The following TBC1D5 variants were observed in gnomAD, a reference collection of about 807,000 sequenced individuals.
The protein encoded by TBC1D5 is TBC1 domain family member 5.
In TBC1D5, 75 loss-of-function variants were observed where a neutral mutation model predicts 100.3. That is an observed-to-expected ratio of 0.75 (90% CI 0.62 to 0.91). The LOEUF (loss-of-function observed/expected upper bound fraction) is 0.91, where lower values mean the gene tolerates loss of function less well. Among genes scored for constraint, TBC1D5 ranks in the 40% least tolerant of loss-of-function variants. The pLI is 0.00. For synonymous variants in TBC1D5, 323 were observed against 325.6 expected, an observed-to-expected ratio of 0.99 and a Z score of 0.09; for missense variants, 910 against 942.4, an observed-to-expected ratio of 0.97 and a Z score of 0.45.
intron 9 of TBC1D5, among the ~76,000 whole-genome samples, chr3:17,377,922 G>A (rs901840235): frequency 8.6e-5 from 13 of 151,336 alleles, no homozygotes; most frequent in African/African-American, 2.9e-4. Context: ...AACAAACCTT[G>A]AAAAAAATCT....
chr3:17,642,401 T>C (rs1032487909), intron 1 of TBC1D5, among the ~76,000 whole-genome samples: 5 of 152,254 alleles, frequency 3.3e-5, no homozygotes, highest in Admixed American at 2.0e-4. Flanking sequence ...ATCGATATTT[T>C]ATAGATGAAA....
chr3:17,237,982 T>G (rs140941013), intron 17 of TBC1D5, among the ~76,000 whole-genome samples, 181 bp downstream of exon 17: 1 of 152,010 alleles, frequency 6.6e-6, no homozygotes, highest in East Asian at 1.9e-4. Flanking sequence ...AAAAAAAAAT[T>G]ACCTCATAAA....
chr3:17,175,106 T>G (rs944850781), intron 19 of TBC1D5, among the ~76,000 whole-genome samples: 1 of 152,262 alleles, frequency 6.6e-6, no homozygotes, highest in East Asian at 1.9e-4. Flanking sequence ...CATTCATTGA[T>G]GGTCTATTAA....
intron 18 of TBC1D5, among the ~76,000 whole-genome samples, chr3:17,197,896 A>G (rs1049746363): frequency 3.3e-5 from 5 of 152,012 alleles, no homozygotes; most frequent in Non-Finnish European, 7.4e-5. Flanking sequence ...AATTAGCTGG[A>G]CATGGTGGCT....
At chr3:17,338,720 A>T (rs1575412185) in intron 13 of TBC1D5, 1 of 152,248 alleles carries the variant, frequency 6.6e-6, no homozygotes, top group Non-Finnish European at 1.5e-5. Flanking sequence ...TGGGAACACT[A>T]GTATGTAGTA....
chr3:17,410,648 A>G (rs1336461875), intron 4 of TBC1D5, among the ~76,000 whole-genome samples: 4 of 152,136 alleles, frequency 2.6e-5, no homozygotes, highest in Non-Finnish European at 5.9e-5. Context: ...AGGTGATTCC[A>G]ATCCTCATGG....
rs139565598 is a variant in TBC1D5, at chr3:17,400,803, G to A, written c.509+2378C>T. Among the ~76,000 whole-genome samples, 1,298 of 152,188 alleles carry A rather than the reference G, an allele frequency of 8.5e-3. 20 individuals carry two copies. The highest frequency in any genetic ancestry group is 0.03 in the African/African-American group (1,255 of 41,534). On this transcript the variant is annotated intron_variant, in intron 8 of 21. Coordinates refer to ENST00000253692, the Ensembl canonical transcript of TBC1D5. ...CTTCCAGCCTTCATCTTTCTCCCAC[G>A]GTGGATGCTTCCTGCCCTCGAACAT... is the stretch of plus-strand genomic sequence containing the variant.
chr3:17,532,746 A>G (rs896567687), intron 2 of TBC1D5, among the ~76,000 whole-genome samples: 8 of 151,630 alleles, frequency 5.3e-5, no homozygotes, highest in African/African-American at 1.7e-4. Flanking sequence ...ACAAAAAACC[A>G]AACACCGCAT....
At chr3:17,625,164 AC>A (rs2062950500) in intron 1 of TBC1D5, among the ~76,000 whole-genome samples, 1 of 152,038 alleles carries the variant, frequency 6.6e-6, no homozygotes, top group African/African-American at 2.4e-5. Context: ...TAAATATTCC[AC>A]CTATATCCAT....
chr3:17,403,113 T>C (rs905527644), intron 8 of TBC1D5, 68 bp downstream of exon 8: 6 of 1,359,444 alleles, frequency 4.4e-6, no homozygotes, highest in Non-Finnish European at 6.0e-6. Flanking sequence ...TTTTGTGTTT[T>C]GTTAAAATTA....
At chr3:17,673,016 T>G (rs2068131142) in intron 1 of TBC1D5, among the ~76,000 whole-genome samples, 1 of 151,888 alleles carries the variant, frequency 6.6e-6, no homozygotes, top group Non-Finnish European at 1.5e-5. Flanking sequence ...GTGTAAAAAA[T>G]CACAGCAAGT....
At chr3:17,537,152 A>C (rs926353152) in intron 2 of TBC1D5, among the ~76,000 whole-genome samples, 3 of 152,170 alleles carry the variant, frequency 2.0e-5, no homozygotes, top group Non-Finnish European at 4.4e-5. Context: ...TTTAGGTAAA[A>C]TATTTTTATT....
At chr3:17,251,202 C>A (rs2077138144) in intron 16 of TBC1D5, among the ~76,000 whole-genome samples, 1 of 151,934 alleles carries the variant, frequency 6.6e-6, no homozygotes, top group Non-Finnish European at 1.5e-5. Context: ...ACTCTTTTAT[C>A]TGTGGTAAAA....
intron 13 of TBC1D5, among the ~76,000 whole-genome samples, chr3:17,338,909 G>A (rs900512429): frequency 4.6e-5 from 7 of 152,120 alleles, no homozygotes; most frequent in African/African-American, 1.7e-4. Context: ...TCCAAGATGG[G>A]CAGATTTCTA....
chr3:17,282,603 C>T (rs533601267), intron 15 of TBC1D5, among the ~76,000 whole-genome samples: 3 of 152,220 alleles, frequency 2.0e-5, no homozygotes, highest in East Asian at 3.9e-4. Context: ...TAAAACATGC[C>T]GAGCAATCAT....
At chr3:17,601,916 G>A (rs1410073282) in intron 2 of TBC1D5, among the ~76,000 whole-genome samples, 4 of 151,926 alleles carry the variant, frequency 2.6e-5, no homozygotes, top group African/African-American at 9.7e-5. Context: ...TGCAAGCTCC[G>A]TCTCCCAGGT....
At chr3:17,162,453 T>C (rs2066157244) in intron 21 of TBC1D5, among the ~76,000 whole-genome samples, 2 of 152,232 alleles carry the variant, frequency 1.3e-5, no homozygotes, top group South Asian at 4.1e-4. Flanking sequence ...GGCTAAATAA[T>C]GGCTCAGGAA....
At chr3:17,281,201 G>A (rs17043279) in intron 15 of TBC1D5, among the ~76,000 whole-genome samples, 6,378 of 152,250 alleles carry the variant, frequency 0.042, 216 homozygotes, top group African/African-American at 0.091. Context: ...CTGAAAGATG[G>A]TTCCACGATG....
rs144770912 is a variant in TBC1D5, at chr3:17,279,936, G to C, written c.1245+11959C>G. 3.0e-3 allele frequency among the ~76,000 whole-genome samples: 463 copies of C among 152,222 alleles called. 3 individuals carry two copies. The highest frequency in any genetic ancestry group is 0.01 in the African/African-American group (422 of 41,532). ...TACATCACCAGCACCCAGGAGAATG[G>C]AGGCAATAAACACTTGGTAACTGAA... On this transcript the variant is annotated intron_variant, in intron 15 of 21. Coordinates refer to ENST00000253692, the Ensembl canonical transcript of TBC1D5.
Sources: allele counts gnomAD v4.1 joint callset (sites outside exome capture counted in the v4.1 genomes callset), GRCh38; gene constraint gnomAD v4.1.1; transcripts MANE v1.5; gene names NCBI Gene and HGNC (gene_info 2026-07-23, HGNC 2026-07-21).